Variants in ATP10B observed in about 807,000 individuals in gnomAD.
The protein encoded by ATP10B is ATPase phospholipid transporting 10B (putative).
In ATP10B, 122 loss-of-function variants were observed where a neutral mutation model predicts 141.2. That is an observed-to-expected ratio of 0.86 (90% CI 0.75 to 1.00). The LOEUF is 1.00. ATP10B is among the 50% of genes least tolerant of loss of function. The pLI is 0.00. For synonymous variants in ATP10B, 685 were observed against 692.0 expected (o/e 0.99, Z 0.16); for missense variants, 1,876 against 1,825.3 (o/e 1.03, Z -0.51).
At chr5:160,663,556 G>A (rs1369243290) in intron 7 of ATP10B, among the ~76,000 whole-genome samples, 18 of 152,018 alleles carry the variant, frequency 1.2e-4, no homozygotes, top group African/African-American at 2.2e-4. Context: ...ACCAAACACC[G>A]CATGTTCTCA....
intron 1 of ATP10B, among the ~76,000 whole-genome samples, chr5:160,839,145 CT>C (rs1775661988): frequency 6.6e-6 from 1 of 152,060 alleles, no homozygotes; most frequent in East Asian, 1.9e-4. Context: ...TCAGGTATTC[CT>C]TTATAGTAAA....
the ATP10B span, among the ~76,000 whole-genome samples, chr5:160,902,437 G>A: frequency 6.6e-6 from 1 of 152,158 alleles, no homozygotes; most frequent in Admixed American, 6.5e-5. Context: ...TGCCCTTGCT[G>A]TCAAACACTC....
intron 1 of ATP10B, among the ~76,000 whole-genome samples, chr5:160,820,183 A>G (rs978248414): frequency 6.6e-6 from 1 of 152,078 alleles, no homozygotes; most frequent in Admixed American, 6.6e-5. Context: ...ATCAGAGATG[A>G]AAAAGTAGAC....
intron 1 of ATP10B, among the ~76,000 whole-genome samples, chr5:160,812,626 G>T (rs1344623153): frequency 4.6e-5 from 7 of 152,144 alleles, no homozygotes; most frequent in African/African-American, 1.2e-4. Context: ...GGATTCATCA[G>T]AGTCTTTAAT....
chr5:160,747,320 A>T (rs990024979), intron 2 of ATP10B, among the ~76,000 whole-genome samples: 11 of 152,134 alleles, frequency 7.2e-5, no homozygotes, highest in African/African-American at 2.4e-4. Flanking sequence ...TTCTACAGTG[A>T]TGTACTGAAT....
At chr5:160,726,405 G>A (rs1239909239) in intron 2 of ATP10B, among the ~76,000 whole-genome samples, 1 of 152,108 alleles carries the variant, frequency 6.6e-6, no homozygotes, top group Admixed American at 6.5e-5. Flanking sequence ...ATTTACACCA[G>A]ACTTGGAGTG....
chr5:160,568,154 T>C (rs1374649128), intron 25 of ATP10B, among the ~76,000 whole-genome samples: 1 of 152,112 alleles, frequency 6.6e-6, no homozygotes, highest in African/African-American at 2.4e-5. Context: ...TAGAAATGTC[T>C]CCCAGTTTCC....
At chr5:160,839,930 C>A (rs1363982086) in intron 1 of ATP10B, among the ~76,000 whole-genome samples, 1 of 151,740 alleles carries the variant, frequency 6.6e-6, no homozygotes, top group Non-Finnish European at 1.5e-5. Flanking sequence ...GAAGCTATAA[C>A]AAAACTCAAT....
chr5:160,893,857 A>T, the ATP10B span, among the ~76,000 whole-genome samples: 1 of 152,154 alleles, frequency 6.6e-6, no homozygotes, highest in Admixed American at 6.5e-5. Flanking sequence ...ACACACAGCA[A>T]TCTTTGCTGT....
At chr5:160,831,135 C>G (rs1284872235) in intron 1 of ATP10B, among the ~76,000 whole-genome samples, 1 of 151,210 alleles carries the variant, frequency 6.6e-6, no homozygotes, top group Non-Finnish European at 1.5e-5. Context: ...TTTAGATTCA[C>G]TCAGCCCAAA....
intron 1 of ATP10B, among the ~76,000 whole-genome samples, chr5:160,824,534 G>C (rs115393828): frequency 1.3e-5 from 2 of 152,132 alleles, no homozygotes; most frequent in Non-Finnish European, 1.5e-5. Context: ...TGATTTCATC[G>C]TTGTGTGTAC....
Position 160,809,988 on chromosome 5 carries a change from C to G in ATP10B, c.-575-24185G>C, listed in dbSNP as rs542494003. 5.3e-5 allele frequency among the ~76,000 whole-genome samples: 8 copies of G among 152,106 alleles called. No homozygotes were observed. The South Asian group carries it at 1.7e-3, about 32-fold the overall frequency. ...TGTCTTTAAGACATTGGTCAGGTAA[C>G]CTAAAGCTTTCAAAATTGTTGACCT... On this transcript the variant is annotated intron_variant, in intron 1 of 25. Transcript: ENST00000327245.
chr5:160,644,796 A>G (rs1282001214), intron 8 of ATP10B, among the ~76,000 whole-genome samples: 1 of 152,188 alleles, frequency 6.6e-6, no homozygotes, highest in East Asian at 1.9e-4. Context: ...TTTGTTTAGC[A>G]TATAATCAAG....
At chr5:160,575,412 T>C (rs977577071) in intron 24 of ATP10B, among the ~76,000 whole-genome samples, 3 of 152,124 alleles carry the variant, frequency 2.0e-5, no homozygotes, top group Admixed American at 2.0e-4. Context: ...TGGAATACTC[T>C]CACCCTACCT....
At chr5:160,888,520 G>A in the ATP10B span, among the ~76,000 whole-genome samples, 1 of 152,194 alleles carries the variant, frequency 6.6e-6, no homozygotes, top group Non-Finnish European at 1.5e-5. Context: ...TGGTGAAACA[G>A]TAATTCATCT....
the ATP10B span, among the ~76,000 whole-genome samples, chr5:160,883,329 A>C: frequency 6.6e-6 from 1 of 152,280 alleles, no homozygotes; most frequent in African/African-American, 2.4e-5. Flanking sequence ...AAATTATAGC[A>C]AAAAAGACCT....
At chr5:160,624,405 CCA>C (rs1046498100) in intron 13 of ATP10B, among the ~76,000 whole-genome samples, 7 of 152,140 alleles carry the variant, frequency 4.6e-5, no homozygotes, top group African/African-American at 1.4e-4. Flanking sequence ...CTTCAGGAGT[CCA>C]CAGTCACACC....
At chr5:160,830,832 G>A (rs898340063) in intron 1 of ATP10B, among the ~76,000 whole-genome samples, 6 of 152,104 alleles carry the variant, frequency 3.9e-5, no homozygotes, top group African/African-American at 1.4e-4. Context: ...GCTTGTGCTG[G>A]CCTTCAACCT....
At chr5:160,897,840 G>A in the ATP10B span, among the ~76,000 whole-genome samples, 1 of 152,154 alleles carries the variant, frequency 6.6e-6, no homozygotes, top group Admixed American at 6.5e-5. Flanking sequence ...TACCAAAACA[G>A]ATATATAGAC....
Sources: gnomAD v4.1 joint callset for allele counts (sites outside exome capture counted in the v4.1 genomes callset) on GRCh38, gnomAD v4.1.1 for gene constraint, MANE v1.5 for transcripts, NCBI Gene and HGNC (gene_info 2026-07-23, HGNC 2026-07-21) for gene names.